Variants in ZNF726 observed in about 807,000 individuals in gnomAD.
ZNF726 encodes the protein zinc finger protein 92 pseudogene 3.
In ZNF726, 15 loss-of-function variants were observed where a neutral mutation model predicts 11.6. That is an observed-to-expected ratio of 1.29 (90% CI 0.86 to 1.99). The LOEUF (loss-of-function observed/expected upper bound fraction) is 1.99, where lower values mean the gene tolerates loss of function less well. Ranked by LOEUF, ZNF726 falls within the 30% of genes most tolerant of loss-of-function variation. The pLI is 0.00. For missense variants in ZNF726, 890 were observed against 725.6 expected (o/e 1.23, Z -2.60); for synonymous variants, 295 against 243.6 (o/e 1.21, Z -1.96).
In ZNF726 at chr19:23,932,766, C is replaced by G. The variant is rs753056549; in HGVS notation, c.650C>G (p.Thr217Ser). 5.0e-6 allele frequency: 8 copies of G among 1,612,738 alleles called. No individual in the cohort carries two copies. The highest frequency in any genetic ancestry group is 6.8e-6 in the Non-Finnish European group (8 of 1,179,676). The change falls in exon 4 of 4, where the codon ACT (threonine) becomes AGT (serine). Residue 217 changes from threonine to serine, a missense_variant. Physicochemically the swap from Thr to Ser is moderately conservative, Grantham distance 58 (BLOSUM62 1). Transcript: ENST00000594466. ...ACCTTTAATTGGTCCTCAACCCTTA[C>G]TAATCATAAGAAAACTCATACTGAA... ...GKTFNWSSTL[T>S]NHKKTHTEEK...
chr19:23,929,680 ATATATT>A (rs1968063810), intron 3 of ZNF726, among the ~76,000 whole-genome samples: 1 of 152,208 alleles, frequency 6.6e-6, no homozygotes, highest in South Asian at 2.1e-4. Context: ...AATTAAAACA[ATATATT>A]TATATCTCAT....
In ZNF726 at chr19:23,919,484, A is replaced by G. The variant is rs1358423834; in HGVS notation, c.115A>G (p.Asn39Asp). 1.9e-6 allele frequency: 3 copies of G among 1,601,218 alleles called. No individual in the cohort carries two copies. In the African/African-American group the frequency reaches 4.0e-5, roughly 22 times the overall value. The change falls in exon 2 of 4, where the codon AAC (asparagine) becomes GAC (aspartate). Residue 39 changes from asparagine (N) to aspartate (D), a missense_variant. Transcript: ENST00000594466. ...YRNVMLENYRNLAFLGIAVSK... is the reference protein window; with the variant it reads ...YRNVMLENYRDLAFLGIAVSK... ...GAATGTGATGTTAGAGAACTACAGAAACCTGGCCTTCCTGGGTGAGGATAA... is the reference window on the plus strand; with the variant it reads ...GAATGTGATGTTAGAGAACTACAGAGACCTGGCCTTCCTGGGTGAGGATAA...
intron 4 of ZNF726, chr19:23,943,610 C>T (rs1968372603): frequency 5.0e-6 from 3 of 595,222 alleles, no homozygotes; most frequent in Non-Finnish European, 6.3e-6. Flanking sequence ...ATGAATGAAG[C>T]CGATAACACA....
intron 3 of ZNF726, among the ~76,000 whole-genome samples, chr19:23,925,041 G>A (rs1967949874): frequency 6.6e-6 from 1 of 152,150 alleles, no homozygotes. Context: ...CCCTTGAGAA[G>A]CACTTTTCCA....
downstream of ZNF726, among the ~76,000 whole-genome samples, chr19:23,938,852 C>T (rs1968291361): frequency 6.6e-6 from 1 of 152,062 alleles, no homozygotes; most frequent in East Asian, 1.9e-4. Flanking sequence ...GGTGATCCAC[C>T]CACATCAGCC....
At chr19:23,923,319 TATC>T (rs1246967081) in intron 3 of ZNF726, 2 of 355,044 alleles carry the variant, frequency 5.6e-6, no homozygotes. Flanking sequence ...TTTAAATGCT[TATC>T]TATTAAAAGT....
chr19:23,931,142 T>C (rs919043916), intron 3 of ZNF726, among the ~76,000 whole-genome samples: 7 of 152,166 alleles, frequency 4.6e-5, no homozygotes, highest in Admixed American at 3.3e-4. Flanking sequence ...AGCTAACTTT[T>C]TGTATTGTTT....
chr19:23,923,992 C>A (rs1280256838), intron 3 of ZNF726: 1 of 151,222 alleles, frequency 6.6e-6, no homozygotes, highest in Admixed American at 6.6e-5. Context: ...GTGTTTATAT[C>A]TATAAATATG....
At chr19:23,940,994 C>T (rs1968329571) in intron 3 of ZNF726, among the ~76,000 whole-genome samples, 7 of 151,978 alleles carry the variant, frequency 4.6e-5, no homozygotes, top group Admixed American at 4.6e-4. Context: ...TCTTATTGCT[C>T]TAGGTAGGAC....
intron 3 of ZNF726, among the ~76,000 whole-genome samples, chr19:23,940,613 C>T (rs1291667874): frequency 6.6e-6 from 1 of 152,086 alleles, no homozygotes; most frequent in African/African-American, 2.4e-5. Context: ...TAATTCTATC[C>T]TTCCATGAGC....
downstream of ZNF726, among the ~76,000 whole-genome samples, chr19:23,936,714 T>G (rs1165424105): frequency 6.6e-6 from 1 of 151,838 alleles, no homozygotes; most frequent in African/African-American, 2.4e-5. Flanking sequence ...AAAACTTTTT[T>G]TTTTTCATGG....
At chr19:23,927,446 AGT>A (rs1177456163) in intron 3 of ZNF726, among the ~76,000 whole-genome samples, 3 of 152,038 alleles carry the variant, frequency 2.0e-5, no homozygotes, top group Admixed American at 6.6e-5. Context: ...GACAACACAA[AGT>A]GTGTAATTTT....
At chr19:23,925,517 C>G (rs1042745707) in intron 3 of ZNF726, among the ~76,000 whole-genome samples, 1 of 151,344 alleles carries the variant, frequency 6.6e-6, no homozygotes, top group Non-Finnish European at 1.5e-5. Flanking sequence ...ATTGCATCAT[C>G]AACAGATTTG....
intron 3 of ZNF726, among the ~76,000 whole-genome samples, chr19:23,922,577 G>A (rs929842385): frequency 6.6e-6 from 1 of 152,202 alleles, no homozygotes; most frequent in African/African-American, 2.4e-5. Context: ...GTTAGGTGGA[G>A]CACTTTCTTG....
rs1967791579 is a variant in ZNF726 at position 23,919,557 on chromosome 19, T to TGTA, written c.130+62_130+64dup. 6.0e-6 allele frequency: 9 copies of TGTA among 1,505,536 alleles called. No individual in the cohort carries two copies. The South Asian group carries it at 8.8e-5, about 15-fold the overall frequency. 93.3% of individuals were successfully genotyped at this position (1,505,536 alleles called of 1,614,324 possible). The stretch of plus-strand genomic sequence containing the variant: ...TAAACTAAAGCTTTTATTTTTCTTT[T>TGTA]GTAGTATGTTTTCTGGTAATTTATG... On this transcript the variant is annotated intron_variant, in intron 2 of 3. Transcript: ENST00000594466.
downstream of ZNF726, among the ~76,000 whole-genome samples, chr19:23,936,730 T>G (rs1452277940): frequency 6.6e-6 from 1 of 151,588 alleles, no homozygotes; most frequent in Non-Finnish European, 1.5e-5. Context: ...CATGGCAGTT[T>G]GATTTTTATT....
At chr19:23,922,541 A>T (rs547699876) in intron 3 of ZNF726, among the ~76,000 whole-genome samples, 1 of 152,204 alleles carries the variant, frequency 6.6e-6, no homozygotes, top group Non-Finnish European at 1.5e-5. Context: ...GTTACAGAGT[A>T]AGTTTAAAAT....
At chr19:23,942,701 C>T (rs562064700) in intron 3 of ZNF726, among the ~76,000 whole-genome samples, 46 of 152,260 alleles carry the variant, frequency 3.0e-4, no homozygotes, top group South Asian at 1.7e-3. Flanking sequence ...AGGCCACTTA[C>T]GATTATATAG....
intron 3 of ZNF726, among the ~76,000 whole-genome samples, chr19:23,941,476 G>T (rs1316124748): frequency 6.6e-6 from 1 of 152,040 alleles, no homozygotes; most frequent in East Asian, 1.9e-4. Context: ...TTGGTTGTAG[G>T]GTGATGCTGG....
Sources: gnomAD v4.1 joint callset for allele counts (sites outside exome capture counted in the v4.1 genomes callset) on GRCh38, gnomAD v4.1.1 for gene constraint, MANE v1.5 for transcripts, NCBI Gene and HGNC (gene_info 2026-07-23, HGNC 2026-07-21) for gene names.